The following C9 variants were observed in gnomAD, a reference collection of about 807,000 sequenced individuals.
The protein encoded by C9 is complement component C9.
C9 carries 63 observed loss-of-function variants against 65.4 expected under a neutral mutation model. The ratio of observed to expected loss-of-function variants is 0.96; its 90% CI spans 0.79 to 1.19. The LOEUF (loss-of-function observed/expected upper bound fraction) is 1.19. Ranked by LOEUF, C9 falls within the 50% of genes most tolerant of loss-of-function variation. C9 has a pLI of 0.00. For missense variants in C9, 744 were observed against 670.1 expected (o/e 1.11, Z -1.22); for synonymous variants, 229 against 227.9 (o/e 1.00, Z -0.04).
intron 9 of C9, among the ~76,000 whole-genome samples, chr5:39,303,996 C>G (rs1412445478): frequency 2.0e-5 from 3 of 151,986 alleles, no homozygotes; most frequent in African/African-American, 7.2e-5. Context: ...TTTTATTAAT[C>G]TTTTTAAAAT....
intron 9 of C9, among the ~76,000 whole-genome samples, chr5:39,295,896 A>G (rs1753177757): frequency 6.6e-6 from 1 of 151,720 alleles, no homozygotes; most frequent in East Asian, 1.9e-4. Flanking sequence ...ACAGTCAACT[A>G]ATTTTTGACA....
intron 1 of C9, among the ~76,000 whole-genome samples, chr5:39,353,475 T>C (rs938298032): frequency 6.6e-6 from 1 of 152,220 alleles, no homozygotes; most frequent in East Asian, 1.9e-4. Flanking sequence ...CTTTTTCTCA[T>C]GTCTTCAGGC....
intron 5 of C9, among the ~76,000 whole-genome samples, chr5:39,327,196 G>A (rs903842237): frequency 6.6e-6 from 1 of 152,100 alleles, no homozygotes; most frequent in African/African-American, 2.4e-5. Flanking sequence ...TGTACTCCTT[G>A]CCAAGGAGAT....
chr5:39,329,060 A>G (rs1753800416), intron 5 of C9, among the ~76,000 whole-genome samples: 1 of 152,214 alleles, frequency 6.6e-6, no homozygotes, highest in African/African-American at 2.4e-5. Context: ...TATAATGAAC[A>G]CCTGAAACCT....
chr5:39,357,783 T>A (rs1036907993), intron 1 of C9, among the ~76,000 whole-genome samples: 7 of 152,180 alleles, frequency 4.6e-5, no homozygotes, highest in African/African-American at 1.7e-4. Flanking sequence ...TATGTGTGCT[T>A]CTATTGAAGT....
rs562897200 is a variant in C9, at chr5:39,341,650, G to A, written c.234C>T (p.Cys78=). 2 of 1,613,588 alleles carry A rather than the reference G, an allele frequency of 1.2e-6. No individual in the cohort carries two copies. Among genetic ancestry groups the A allele is most frequent in the East Asian group, 2.2e-5 (1 of 44,884 alleles). ...GTCGTCTGTCTCCCACAGCGTCGGT[G>A]CATCTTTTCCCATTAAATTGTCCAA... ...EVFGQFNGKR[C]TDAVGDRRQC... The change falls in exon 3 of 11, where the codon TGC becomes TGT. Residue 78 remains cysteine (C), a synonymous_variant. Coordinates refer to ENST00000263408, the MANE Select transcript of C9 (RefSeq NM_001737.5).
intron 1 of C9, among the ~76,000 whole-genome samples, chr5:39,352,150 C>T (rs1754334929): frequency 6.6e-6 from 1 of 152,142 alleles, no homozygotes; most frequent in Non-Finnish European, 1.5e-5. Flanking sequence ...GTACTACATA[C>T]TTCTAAACAA....
intron 1 of C9, among the ~76,000 whole-genome samples, chr5:39,359,098 G>GTATATATATATATATATATATA (rs1375624632): frequency 1.2e-4 from 12 of 96,534 alleles, no homozygotes; most frequent in Non-Finnish European, 2.5e-4. Flanking sequence ...ATGTGTGTGT[G>GTATATATATATATATATATATA]TGTGTATATA....
chr5:39,342,030 A>C, intron 2 of C9, 61 bp downstream of exon 2: 1 of 943,596 alleles, frequency 1.1e-6, no homozygotes, highest in Non-Finnish European at 1.8e-6. Context: ...ATTTTTCTGG[A>C]GAGGCTAGCA....
chr5:39,329,175 T>A (rs1237513241), intron 5 of C9, among the ~76,000 whole-genome samples: 2 of 152,164 alleles, frequency 1.3e-5, no homozygotes, highest in Admixed American at 1.3e-4. Context: ...CACTCCCCCC[T>A]CCCCTTTTTA....
intron 1 of C9, among the ~76,000 whole-genome samples, chr5:39,363,934 G>T (rs985621383): frequency 3.3e-5 from 5 of 152,238 alleles, no homozygotes; most frequent in Admixed American, 6.5e-5. Flanking sequence ...GGATGTCAAG[G>T]GAAAGAAACA....
At chr5:39,310,061 A>T (rs1290903608) in intron 7 of C9, among the ~76,000 whole-genome samples, 1 of 152,134 alleles carries the variant, frequency 6.6e-6, no homozygotes, top group Admixed American at 6.6e-5. Context: ...TAAGCTAAGT[A>T]ACATTACATT....
At chr5:39,331,860 A>C (rs768992808) in intron 4 of C9, 46 bp from the exon 5 acceptor site, 260 of 1,567,324 alleles carry the variant, frequency 1.7e-4, no homozygotes, top group Non-Finnish European at 2.1e-4. Context: ...ACCACAACAC[A>C]ATGCAAGGCA....
rs568637030 is a variant in C9, at chr5:39,320,837, C to G, written c.616-4808G>C. Among the ~76,000 whole-genome samples the G allele has an allele frequency of 1.6e-3, 249 of 152,166 alleles. 2 individuals are homozygous for G. Among genetic ancestry groups the G allele is most frequent in the African/African-American group, 5.8e-3 (239 of 41,520 alleles). On this transcript the variant is annotated intron_variant, in intron 5 of 10. Coordinates refer to ENST00000263408, the MANE Select transcript of C9 (RefSeq NM_001737.5). ...ATAAGATTACTAGCAGATGTTTCAG[C>G]AAAAGCCTTGAATCCAGGAGAGAGT...
intron 1 of C9, among the ~76,000 whole-genome samples, chr5:39,363,547 C>G (rs771660595): frequency 5.3e-5 from 8 of 152,170 alleles, no homozygotes; most frequent in Non-Finnish European, 1.0e-4. Flanking sequence ...GCAGACATTT[C>G]CCCCCAGCCA....
At chr5:39,362,753 T>C (rs372251263) in intron 1 of C9, among the ~76,000 whole-genome samples, 50 of 152,338 alleles carry the variant, frequency 3.3e-4, no homozygotes, top group African/African-American at 1.1e-3. Flanking sequence ...CAGTTAGCTA[T>C]TATTCAAACA....
chr5:39,344,164 C>G (rs13162824), intron 1 of C9, among the ~76,000 whole-genome samples: 45,671 of 152,070 alleles, frequency 0.3, 7,749 homozygotes, highest in East Asian at 0.46. Context: ...TGGAACAAAG[C>G]TGGATGGAGA....
At chr5:39,331,647 A>T in intron 5 of C9, 29 bp downstream of exon 5, 2 of 1,609,592 alleles carry the variant, frequency 1.2e-6, no homozygotes, top group Non-Finnish European at 1.7e-6. Context: ...CAAAAGTTGA[A>T]CAATGTGTTT....
chr5:39,325,041 A>G (rs1252948119), intron 5 of C9, among the ~76,000 whole-genome samples: 4 of 152,240 alleles, frequency 2.6e-5, no homozygotes, highest in African/African-American at 9.6e-5. Flanking sequence ...ATCAAGAAAT[A>G]TTTCAGAGTT....
Sources: allele counts gnomAD v4.1 joint callset (sites outside exome capture counted in the v4.1 genomes callset), GRCh38; gene constraint gnomAD v4.1.1; transcripts MANE v1.5; gene names NCBI Gene and HGNC (gene_info 2026-07-23, HGNC 2026-07-21).